The following SLC24A2 variants were observed in gnomAD, a reference collection of about 807,000 sequenced individuals.
The protein encoded by SLC24A2 is sodium/potassium/calcium exchanger 2.
Under a neutral mutation model 62.0 loss-of-function variants are expected in SLC24A2, and 36 were observed. That is an observed-to-expected ratio of 0.58 (90% CI 0.44 to 0.77). SLC24A2 has a LOEUF of 0.77. Among genes scored for constraint, SLC24A2 ranks in the 30% least tolerant of loss-of-function variants. SLC24A2 has a pLI of 0.00. For synonymous variants in SLC24A2, 358 were observed against 294.0 expected, an observed-to-expected ratio of 1.22 and a Z score of -2.23; for missense variants, 846 against 817.9, an observed-to-expected ratio of 1.03 and a Z score of -0.42.
chr9:19,679,215 T>C (rs954106785), intron 2 of SLC24A2, among the ~76,000 whole-genome samples: 15 of 152,178 alleles, frequency 9.9e-5, no homozygotes, highest in African/African-American at 3.6e-4. Flanking sequence ...CAAAGGGCAA[T>C]AGTGTCTTTA....
At chr9:20,267,780 T>C in the SLC24A2 span, among the ~76,000 whole-genome samples, 7 of 152,328 alleles carry the variant, frequency 4.6e-5, no homozygotes, top group South Asian at 4.1e-4. Context: ...CAATTTTTTT[T>C]AATTTCATGT....
At chr9:20,250,523 C>T in the SLC24A2 span, among the ~76,000 whole-genome samples, 1 of 152,146 alleles carries the variant, frequency 6.6e-6, no homozygotes, top group Admixed American at 6.6e-5. Context: ...AGACACTAGA[C>T]CTTGAAGAAT....
chr9:19,908,379 A>G, the SLC24A2 span, among the ~76,000 whole-genome samples: 3 of 152,106 alleles, frequency 2.0e-5, no homozygotes, highest in Admixed American at 6.6e-5. Context: ...AACCATAAAA[A>G]CCCTAGAAGA....
the SLC24A2 span, among the ~76,000 whole-genome samples, chr9:19,906,796 T>C: frequency 1.3e-5 from 2 of 152,298 alleles, no homozygotes; most frequent in East Asian, 1.9e-4. Context: ...AATCTCTGAA[T>C]AGACCAATAA....
At chr9:19,628,481 G>T (rs1042686319) in intron 2 of SLC24A2, among the ~76,000 whole-genome samples, 1 of 152,092 alleles carries the variant, frequency 6.6e-6, no homozygotes, top group African/African-American at 2.4e-5. Flanking sequence ...TTAACAACCC[G>T]ACTACCCCTG....
At chr9:19,951,651 A>G in the SLC24A2 span, among the ~76,000 whole-genome samples, 1 of 152,126 alleles carries the variant, frequency 6.6e-6, no homozygotes, top group Non-Finnish European at 1.5e-5. Context: ...TTAATTGGCC[A>G]TAAAAAGATT....
chr9:20,283,048 A>G, the SLC24A2 span, among the ~76,000 whole-genome samples: 5 of 152,212 alleles, frequency 3.3e-5, no homozygotes, highest in African/African-American at 4.8e-5. Context: ...CATCTCCCAG[A>G]TAAGTCACAG....
At chr9:20,092,177 A>G in the SLC24A2 span, among the ~76,000 whole-genome samples, 4 of 152,224 alleles carry the variant, frequency 2.6e-5, no homozygotes, top group Admixed American at 2.6e-4. Context: ...AATAATCTGT[A>G]CAACAAACCC....
the SLC24A2 span, among the ~76,000 whole-genome samples, chr9:19,832,489 G>C: frequency 6.6e-6 from 1 of 152,210 alleles, no homozygotes; most frequent in Non-Finnish European, 1.5e-5. Flanking sequence ...AAGAAATGGG[G>C]AAACGATTCC....
the SLC24A2 span, among the ~76,000 whole-genome samples, chr9:19,968,193 CTT>C: frequency 3.8e-3 from 585 of 152,302 alleles, 2 homozygotes; most frequent in Middle Eastern, 0.01. Context: ...TCATCATCAT[CTT>C]TGTTATGCTA....
At chr9:19,645,193 G>C (rs1335852827) in intron 2 of SLC24A2, among the ~76,000 whole-genome samples, 5 of 152,154 alleles carry the variant, frequency 3.3e-5, no homozygotes, top group Non-Finnish European at 7.3e-5. Flanking sequence ...TAATACACCA[G>C]CTCCTAGAGA....
chr9:19,539,053 C>T (rs1834115530), intron 8 of SLC24A2, among the ~76,000 whole-genome samples: 1 of 81,726 alleles, frequency 1.2e-5, no homozygotes, highest in Non-Finnish European at 2.4e-5. Context: ...TGGTGATATC[C>T]CCTTTATCAT....
the SLC24A2 span, among the ~76,000 whole-genome samples, chr9:19,826,681 CT>C: frequency 6.6e-6 from 1 of 152,160 alleles, no homozygotes; most frequent in African/African-American, 2.4e-5. Flanking sequence ...CCCCTCAAGC[CT>C]TTTAATAAGG....
intron 5 of SLC24A2, among the ~76,000 whole-genome samples, chr9:19,588,931 A>G (rs1283586117): frequency 2.0e-5 from 3 of 152,248 alleles, no homozygotes; most frequent in Non-Finnish European, 4.4e-5. Flanking sequence ...ACTGCACTCC[A>G]GCCTGGGTGA....
intron 2 of SLC24A2, among the ~76,000 whole-genome samples, chr9:19,622,536 G>A (rs557118405): frequency 7.2e-5 from 11 of 152,122 alleles, no homozygotes; most frequent in Admixed American, 5.2e-4. Flanking sequence ...TGGCCAACCC[G>A]AATGTCCAGC....
chr9:20,003,398 C>T, the SLC24A2 span, among the ~76,000 whole-genome samples: 2 of 152,214 alleles, frequency 1.3e-5, no homozygotes, highest in Non-Finnish European at 1.5e-5. Context: ...GAAACTACTT[C>T]GTCTTATGAG....
the SLC24A2 span, among the ~76,000 whole-genome samples, chr9:20,157,641 C>T: frequency 6.6e-6 from 1 of 151,590 alleles, no homozygotes; most frequent in Non-Finnish European, 1.5e-5. Context: ...AAAAACTGTA[C>T]TTTCTGTTTC....
chr9:20,228,330 G>C, the SLC24A2 span, among the ~76,000 whole-genome samples: 1 of 151,978 alleles, frequency 6.6e-6, no homozygotes, highest in African/African-American at 2.4e-5. Flanking sequence ...CTCTGTTCCA[G>C]CTCTCACTCA....
At chr9:19,636,896 T>A (rs201392835) in intron 2 of SLC24A2, among the ~76,000 whole-genome samples, 1 of 152,092 alleles carries the variant, frequency 6.6e-6, no homozygotes, top group East Asian at 1.9e-4. Context: ...TCCATGACCC[T>A]AAAAAGGTTA....
Sources: allele counts gnomAD v4.1 joint callset (sites outside exome capture counted in the v4.1 genomes callset), GRCh38; gene constraint gnomAD v4.1.1; transcripts MANE v1.5; gene names NCBI Gene and HGNC (gene_info 2026-07-23, HGNC 2026-07-21).